ACMSD: variants seen among roughly 807,000 people sequenced by gnomAD.
ACMSD encodes aminocarboxymuconate semialdehyde decarboxylase.
Under a neutral mutation model 45.9 loss-of-function variants are expected in ACMSD, and 37 were observed. The observed-to-expected ratio is 0.81, with a 90% CI of 0.62 to 1.06. The LOEUF (loss-of-function observed/expected upper bound fraction) is 1.06. ACMSD is among the 50% of genes least tolerant of loss of function. ACMSD has a pLI of 0.00. For missense variants in ACMSD, 434 were observed against 420.9 expected, an observed-to-expected ratio of 1.03 and a Z score of -0.27; for synonymous variants, 138 against 148.8, an observed-to-expected ratio of 0.93 and a Z score of 0.53.
At chr2:134,863,281 G>C in intron 4 of ACMSD, 114 bp from the exon 5 acceptor site, 2 of 1,127,318 alleles carry the variant, frequency 1.8e-6, no homozygotes, top group Non-Finnish European at 1.3e-6. Context: ...TTCTGATGTG[G>C]TAAAGCCACT....
intron 8 of ACMSD, among the ~76,000 whole-genome samples, chr2:134,893,706 A>T (rs1006300375): frequency 6.6e-6 from 1 of 152,210 alleles, no homozygotes; most frequent in Non-Finnish European, 1.5e-5. Context: ...AGAAGAAAAA[A>T]TACTGTAACC....
At chr2:134,860,652 A>G (rs902674900) in intron 3 of ACMSD, among the ~76,000 whole-genome samples, 10 of 152,156 alleles carry the variant, frequency 6.6e-5, no homozygotes, top group Admixed American at 3.3e-4. Context: ...GCCTAAAGTG[A>G]GTAGGTGGTC....
intron 8 of ACMSD, chr2:134,873,761 A>G (rs1446524): frequency 0.6 from 91,651 of 152,064 alleles, 29,690 homozygotes; most frequent in Middle Eastern, 0.92. Context: ...CACCCCTGCA[A>G]ACATGGATGG....
At chr2:134,898,061 ATAT>A (rs1377560301) in intron 8 of ACMSD, among the ~76,000 whole-genome samples, 1 of 151,522 alleles carries the variant, frequency 6.6e-6, no homozygotes, top group Non-Finnish European at 1.5e-5. Flanking sequence ...TCAATTTCTT[ATAT>A]TTCAGTATTC....
intron 1 of ACMSD, among the ~76,000 whole-genome samples, chr2:134,843,081 A>G (rs1686878771): frequency 1.3e-5 from 2 of 152,224 alleles, no homozygotes; most frequent in Admixed American, 1.3e-4. Context: ...CTAATTTAAG[A>G]GCACATAGTC....
chr2:134,871,028 T>C lies in ACMSD; in HGVS notation c.644T>C (p.Phe215Ser). 2 of 1,614,148 alleles carry C rather than the reference T, an allele frequency of 1.2e-6. No individual in the cohort carries two copies. Among genetic ancestry groups the C allele is most frequent in the Non-Finnish European group, 1.7e-6 (2 of 1,180,036 alleles). Residue 215 changes from phenylalanine to serine, a missense_variant, in exon 7 of 10, where the codon TTT becomes TCT. Phe to Ser is a radical substitution (Grantham distance 155). Coordinates refer to ENST00000356140, the MANE Select transcript of ACMSD (RefSeq NM_138326.3). ...SMIMGGVFEK[F>S]PKLKVCFAHG... is the part of the protein sequence containing the mutation. ...ATCATGGGTGGAGTATTTGAGAAGT[T>C]TCCCAAACTGAAAGTGTGTTTCGCA...
chr2:134,860,475 G>A (rs1168795458), intron 3 of ACMSD, among the ~76,000 whole-genome samples: 1 of 152,106 alleles, frequency 6.6e-6, no homozygotes, highest in Non-Finnish European at 1.5e-5. Flanking sequence ...TGTTTACATT[G>A]GTGGAAGATT....
At chr2:134,859,952 C>T (rs1687769935) in intron 3 of ACMSD, among the ~76,000 whole-genome samples, 1 of 152,076 alleles carries the variant, frequency 6.6e-6, no homozygotes. Flanking sequence ...GCACTTTTTA[C>T]CTTATATCTA....
At chr2:134,856,688 G>C (rs960307857) in intron 2 of ACMSD, among the ~76,000 whole-genome samples, 1 of 151,844 alleles carries the variant, frequency 6.6e-6, no homozygotes, top group African/African-American at 2.4e-5. Context: ...TTGTTTTCTT[G>C]CCATTGAGTT....
At chr2:134,851,980 T>C (rs1250173828) in intron 2 of ACMSD, among the ~76,000 whole-genome samples, 1 of 152,220 alleles carries the variant, frequency 6.6e-6, no homozygotes, top group East Asian at 1.9e-4. Context: ...GAAATAGGAA[T>C]GCACCTTTGG....
At position 134,879,030 on chromosome 2, in the gene ACMSD, A is replaced by G. The variant is rs998438090; in HGVS notation, c.849+6389A>G. ...AATCTTTTGAGGTTATAACAAAGAC[A>G]TTATAGTCACATCTTGGCTTAATTT... On this transcript the variant is annotated intron_variant, in intron 8 of 9. Transcript: ENST00000356140. Among the ~76,000 whole-genome samples, 4 of 152,236 alleles carry G rather than the reference A, an allele frequency of 2.6e-5. No homozygotes were observed. In the South Asian group the frequency reaches 6.2e-4, roughly 24 times the overall value.
chr2:134,839,393 T>C (rs928851256), intron 1 of ACMSD, among the ~76,000 whole-genome samples: 1 of 152,180 alleles, frequency 6.6e-6, no homozygotes, highest in Non-Finnish European at 1.5e-5. Flanking sequence ...GATGGAAATT[T>C]CCTTTTGTCA....
chr2:134,886,529 G>A (rs1351800646), intron 8 of ACMSD, among the ~76,000 whole-genome samples: 1 of 151,962 alleles, frequency 6.6e-6, no homozygotes, highest in African/African-American at 2.4e-5. Context: ...GATTACAGGC[G>A]TGAGCCACTG....
intron 3 of ACMSD, 100 bp from the exon 4 acceptor site, chr2:134,861,869 A>C (rs551975658): frequency 2.4e-5 from 30 of 1,236,936 alleles, no homozygotes; most frequent in Middle Eastern, 1.9e-4. Flanking sequence ...GAGCAGGAGG[A>C]GTTTAGGGTG....
intron 8 of ACMSD, among the ~76,000 whole-genome samples, chr2:134,883,951 T>C (rs1689183705): frequency 6.6e-6 from 1 of 152,212 alleles, no homozygotes; most frequent in Non-Finnish European, 1.5e-5. Context: ...CTTCTCCCTC[T>C]GAACAAGAAA....
At chr2:134,861,703 A>G (rs1170159680) in intron 3 of ACMSD, among the ~76,000 whole-genome samples, 1 of 152,184 alleles carries the variant, frequency 6.6e-6, no homozygotes, top group Non-Finnish European at 1.5e-5. Context: ...ATAAAATTTC[A>G]CAGGAAGGAG....
chr2:134,857,754 G>A (rs1185355599), intron 2 of ACMSD: 1 of 151,224 alleles, frequency 6.6e-6, no homozygotes, highest in African/African-American at 2.4e-5. Context: ...TCATGTTCCT[G>A]ATCTTAGAGA....
intron 4 of ACMSD, among the ~76,000 whole-genome samples, chr2:134,862,626 C>T (rs1329017147): frequency 6.6e-6 from 1 of 152,202 alleles, no homozygotes; most frequent in African/African-American, 2.4e-5. Flanking sequence ...TTCATACATA[C>T]TTCCGTGATC....
intron 8 of ACMSD, among the ~76,000 whole-genome samples, chr2:134,879,589 G>A (rs1467516695): frequency 6.6e-6 from 1 of 152,170 alleles, no homozygotes; most frequent in Non-Finnish European, 1.5e-5. Flanking sequence ...AGGAATTCAG[G>A]AACCCTCTGG....
Sources: gnomAD v4.1 joint callset for allele counts (sites outside exome capture counted in the v4.1 genomes callset) on GRCh38, gnomAD v4.1.1 for gene constraint, MANE v1.5 for transcripts, NCBI Gene and HGNC (gene_info 2026-07-23, HGNC 2026-07-21) for gene names.